PHACTR2: variants seen among roughly 807,000 people sequenced by gnomAD.
PHACTR2 encodes phosphatase and actin regulator 2.
Under a neutral mutation model 76.0 loss-of-function variants are expected in PHACTR2, and 30 were observed. The observed-to-expected ratio is 0.39, with a 90% CI of 0.30 to 0.54. PHACTR2 has a LOEUF of 0.54. PHACTR2 is among the 20% of genes least tolerant of loss of function. PHACTR2 has a pLI of 0.61. For synonymous variants in PHACTR2, 292 were observed against 292.5 expected, an observed-to-expected ratio of 1.00 and a Z score of 0.02; for missense variants, 696 against 781.1, an observed-to-expected ratio of 0.89 and a Z score of 1.30.
rs1775932545 is a variant in PHACTR2 at position 143,800,661 on chromosome 6, T to G, written c.1846-6396T>G. On this transcript the variant is annotated intron_variant, in intron 11 of 12. Coordinates refer to ENST00000440869, the MANE Select transcript of PHACTR2 (RefSeq NM_001100164.2). The surrounding 1 kb of genome is among the most constrained non-coding windows in gnomAD (Gnocchi z 4.8). ...AGACTCTTTATCCAATTTGCCAATC[T>G]GTGTCTTTTAATTGGGGCATTTAGC... 6.6e-6 allele frequency among the ~76,000 whole-genome samples: 1 copy of G among 152,212 alleles called. No homozygotes were observed. The highest frequency in any genetic ancestry group is 6.5e-5 in the Admixed American group (1 of 15,276).
chr6:143,623,591 T>C lies in PHACTR2; in HGVS notation c.13+15269T>C, dbSNP rs1048058633. ...CTCTGACTCGAAATAATAATAATAG[T>C]AATAATAATAATAATACCAAATGAG... On this transcript the variant is annotated intron_variant, in intron 1 of 11. Transcript: ENST00000305766. The surrounding 1 kb of genome is among the most constrained non-coding windows in gnomAD (Gnocchi z 5.9). Among the ~76,000 whole-genome samples the C allele has an allele frequency of 4.0e-5, 6 of 151,618 alleles. No homozygotes were observed. Among genetic ancestry groups the C allele is most frequent in the Non-Finnish European group, 8.8e-5 (6 of 67,918 alleles).
In PHACTR2 at chr6:143,680,031, A is replaced by G. The variant is rs1475711558; in HGVS notation, c.46+1822A>G. ...TTTCAGTTAAGGAATGACAGTGGTT[A>G]TGACTTAAGTTGTGGTATTGTAAAA... On this transcript the variant is annotated intron_variant, in intron 1 of 12. Coordinates refer to ENST00000440869, the MANE Select transcript of PHACTR2 (RefSeq NM_001100164.2). This position sits in a 1 kb window ranked among gnomAD's most constrained non-coding sequence, Gnocchi z 4.5. 1.3e-5 allele frequency among the ~76,000 whole-genome samples: 2 copies of G among 152,086 alleles called. No individual in the cohort carries two copies. The highest frequency in any genetic ancestry group is 2.9e-5 in the Non-Finnish European group (2 of 68,008).
Position 143,641,785 on chromosome 6 carries a change from T to C in PHACTR2, c.13+33463T>C, listed in dbSNP as rs12200984. On this transcript the variant is annotated intron_variant, in intron 1 of 11. Coordinates refer to the PHACTR2 transcript ENST00000305766. This position sits in a 1 kb window ranked among gnomAD's most constrained non-coding sequence, Gnocchi z 5.8. ...CCTCCGAAAGTGCTGGGATTACAGG[T>C]ATGAGCCACCGCACCCAGCCAAATT... 0.28 allele frequency among the ~76,000 whole-genome samples: 42,768 copies of C among 151,920 alleles called. 6,090 individuals carry two copies. The highest frequency in any genetic ancestry group is 0.38 in the Middle Eastern group (111 of 292).
rs560819236 is a variant in PHACTR2 at position 143,708,983 on chromosome 6, C to T, written c.47-3033C>T. ...TGTTTCTATGTTCATAATAATTAGC[C>T]CTTTTATATTTTACAACATTTAAGT... On this transcript the variant is annotated intron_variant, in intron 1 of 12. Transcript: ENST00000440869. The surrounding 1 kb of genome is among the most constrained non-coding windows in gnomAD (Gnocchi z 5.5). Among the ~76,000 whole-genome samples, 1 of 152,170 alleles carries T rather than the reference C, an allele frequency of 6.6e-6. No individual in the cohort carries two copies. The highest frequency in any genetic ancestry group is 2.4e-5 in the African/African-American group (1 of 41,522).
chr6:143,581,702 G>T lies in PHACTR2; in HGVS notation c.217+44495G>T, dbSNP rs557242839. On this transcript the variant is annotated intron_variant, in intron 1 of 11. Coordinates refer to the PHACTR2 transcript ENST00000367584. This position sits in a 1 kb window ranked among gnomAD's most constrained non-coding sequence, Gnocchi z 4.5. ...GAACATTAGCTGGACATGGTGGTGG[G>T]TGCCTGTAATCCCAGCTAGTCAGGA... Among the ~76,000 whole-genome samples the T allele has an allele frequency of 1.3e-5, 2 of 152,054 alleles. No homozygotes were observed. The highest frequency in any genetic ancestry group is 4.2e-4 in the South Asian group (2 of 4,806).
At chr6:143,727,435 C>T (rs1038345013) in intron 2 of PHACTR2, among the ~76,000 whole-genome samples, 2 of 152,104 alleles carry the variant, frequency 1.3e-5, no homozygotes, top group Admixed American at 1.3e-4. Flanking sequence ...TGCAGGTATC[C>T]TTTTGATATA....
At chr6:143,817,075 C>T (rs1554231110) in intron 12 of PHACTR2, among the ~76,000 whole-genome samples, 2 of 150,570 alleles carry the variant, frequency 1.3e-5, no homozygotes, top group Non-Finnish European at 3.0e-5. Flanking sequence ...CCCCCACCCC[C>T]CAAAAAAGAA....
At chr6:143,643,549 A>G (rs751043891) in intron 1 of PHACTR2, among the ~76,000 whole-genome samples, 4 of 152,208 alleles carry the variant, frequency 2.6e-5, no homozygotes, top group Non-Finnish European at 4.4e-5. Flanking sequence ...TATATAAGTC[A>G]TGGGCATTGA....
At position 143,829,483 on chromosome 6, in the gene PHACTR2, T is replaced by G. The variant is rs1024444065; in HGVS notation, c.*5794T>G. The G allele has an allele frequency of 6.6e-6, 1 of 152,218 alleles. No individual in the cohort carries two copies. Among genetic ancestry groups the G allele is most frequent in the African/African-American group, 2.4e-5 (1 of 41,458 alleles). 9.4% of individuals were successfully genotyped at this position (152,218 alleles called of 1,614,324 possible). The stretch of plus-strand genomic sequence containing the variant: ...TAAATGTAGTCATGCGATTCAACTT[T>G]TCTAATAAGATTTGTGAATGCTGCA... On this transcript the variant is annotated 3_prime_UTR_variant, in exon 13 of 13. Transcript: ENST00000440869.
At chr6:143,768,422 A>G (rs979636505) in intron 6 of PHACTR2, among the ~76,000 whole-genome samples, 9 of 152,328 alleles carry the variant, frequency 5.9e-5, no homozygotes, top group East Asian at 3.9e-4. Context: ...CCCAGGAAGT[A>G]TAATGTTTAA....
chr6:143,548,410 C>T lies in PHACTR2; in HGVS notation c.217+11203C>T, dbSNP rs1434715895. ...TAATCTGTCTTTCCATCCATTCAACCGTCCATCCTTCTGTCTTTCCCTCCC... is the reference window on the plus strand; with the variant it reads ...TAATCTGTCTTTCCATCCATTCAACTGTCCATCCTTCTGTCTTTCCCTCCC... On this transcript the variant is annotated intron_variant, in intron 1 of 11. Coordinates refer to the PHACTR2 transcript ENST00000367584. This position sits in a 1 kb window ranked among gnomAD's most constrained non-coding sequence, Gnocchi z 4.5. Among the ~76,000 whole-genome samples, 5 of 152,010 alleles carry T rather than the reference C, an allele frequency of 3.3e-5. No homozygotes were observed. The highest frequency in any genetic ancestry group is 2.1e-4 in the South Asian group (1 of 4,826).
At position 143,578,168 on chromosome 6, in the gene PHACTR2, G is replaced by A. The variant is rs886117504; in HGVS notation, c.217+40961G>A. 6.6e-6 allele frequency among the ~76,000 whole-genome samples: 1 copy of A among 152,182 alleles called. No individual in the cohort carries two copies. The highest frequency in any genetic ancestry group is 2.4e-5 in the African/African-American group (1 of 41,434). ...GTTGTTCCTTCACAAAGGAACCATTGCAGTCAAGTGCAGGGCTCCATGAGA... is the reference window on the plus strand; with the variant it reads ...GTTGTTCCTTCACAAAGGAACCATTACAGTCAAGTGCAGGGCTCCATGAGA... On this transcript the variant is annotated intron_variant, in intron 1 of 11. Transcript: ENST00000367584. The surrounding 1 kb of genome is among the most constrained non-coding windows in gnomAD (Gnocchi z 4.5).
rs1226517054 is a variant in PHACTR2 at position 143,801,912 on chromosome 6, T to C, written c.1846-5145T>C. On this transcript the variant is annotated intron_variant, in intron 11 of 12. Transcript: ENST00000440869. This position sits in a 1 kb window ranked among gnomAD's most constrained non-coding sequence, Gnocchi z 4.6. The stretch of plus-strand genomic sequence containing the variant: ...TGGATGTCCTTTTTGTTGATGTTGA[T>C]ACTATTCCTTTCTGTTTGCTCATTT... 6.6e-6 allele frequency among the ~76,000 whole-genome samples: 1 copy of C among 152,210 alleles called. No individual in the cohort carries two copies. Among genetic ancestry groups the C allele is most frequent in the African/African-American group, 2.4e-5 (1 of 41,454 alleles).
intron 1 of PHACTR2, among the ~76,000 whole-genome samples, chr6:143,575,865 G>A (rs1775500771): frequency 7.3e-6 from 1 of 136,820 alleles, no homozygotes; most frequent in Non-Finnish European, 1.6e-5. Flanking sequence ...CTTTCTAAGT[G>A]GACATTTGTT....
At chr6:143,797,710 C>T (rs564184273) in intron 11 of PHACTR2, among the ~76,000 whole-genome samples, 16 of 152,140 alleles carry the variant, frequency 1.1e-4, no homozygotes, top group Non-Finnish European at 2.1e-4. Context: ...TGTCAAAGAT[C>T]AGGTGGTGGA....
intron 12 of PHACTR2, among the ~76,000 whole-genome samples, chr6:143,812,519 A>T (rs1369987764): frequency 6.6e-6 from 1 of 152,094 alleles, no homozygotes; most frequent in Non-Finnish European, 1.5e-5. Flanking sequence ...TTTGGTCTGT[A>T]GTGATGAAGA....
At chr6:143,752,491 T>A (rs1046008763) in intron 3 of PHACTR2, among the ~76,000 whole-genome samples, 2 of 152,118 alleles carry the variant, frequency 1.3e-5, no homozygotes, top group African/African-American at 4.8e-5. Flanking sequence ...TAGTTGAGAT[T>A]TACTTGTAAT....
In PHACTR2 at chr6:143,743,521, T is replaced by C. The variant is rs913350524; in HGVS notation, c.215-5464T>C. On this transcript the variant is annotated intron_variant, in intron 2 of 12. Coordinates refer to ENST00000440869, the MANE Select transcript of PHACTR2 (RefSeq NM_001100164.2). This position sits in a 1 kb window ranked among gnomAD's most constrained non-coding sequence, Gnocchi z 5.0. ...TACATTCTTGGGATGTTTTGGAAGG[T>C]TTTTGCAAATGTCCTGTTGGGTGGC... is the stretch of plus-strand genomic sequence containing the variant. Among the ~76,000 whole-genome samples the C allele has an allele frequency of 6.6e-6, 1 of 152,126 alleles. No individual in the cohort carries two copies. Among genetic ancestry groups the C allele is most frequent in the Non-Finnish European group, 1.5e-5 (1 of 68,006 alleles).
Position 143,743,451 on chromosome 6 carries a change from C to T in PHACTR2, c.215-5534C>T, listed in dbSNP as rs55898106. On this transcript the variant is annotated intron_variant, in intron 2 of 12. Coordinates refer to ENST00000440869, the MANE Select transcript of PHACTR2 (RefSeq NM_001100164.2). The surrounding 1 kb of genome is among the most constrained non-coding windows in gnomAD (Gnocchi z 5.0). ...CAGATAAACAAAAAAATCGCCAGAC[C>T]CCTGAGTGTTTTTAGGTGGGGATGT... Among the ~76,000 whole-genome samples, 415 of 152,222 alleles carry T rather than the reference C, an allele frequency of 2.7e-3. 8 individuals are homozygous for T. Among genetic ancestry groups the T allele is most frequent in the African/African-American group, 9.7e-3 (404 of 41,526 alleles).
Sources: allele counts gnomAD v4.1 joint callset (sites outside exome capture counted in the v4.1 genomes callset), GRCh38; gene constraint gnomAD v4.1.1; non-coding constraint Gnocchi (gnomAD v3.1); transcripts MANE v1.5; gene names NCBI Gene and HGNC (gene_info 2026-07-23, HGNC 2026-07-21).